Variants in SDK1 observed in about 807,000 individuals in gnomAD.
SDK1 encodes protein sidekick-1.
Under a neutral mutation model 245.5 loss-of-function variants are expected in SDK1, and 157 were observed. That is an observed-to-expected ratio of 0.64 (90% CI 0.56 to 0.73). SDK1 has a LOEUF of 0.73. Ranked by LOEUF, SDK1 falls within the 30% of genes least tolerant of loss-of-function variation. SDK1 has a pLI of 0.00. For missense variants in SDK1, 3,583 were observed against 3,002.3 expected (o/e 1.19, Z -4.52); for synonymous variants, 1,647 against 1,278.5 (o/e 1.29, Z -6.15).
chr7:3,902,631 A>G (rs1167669026), intron 5 of SDK1, among the ~76,000 whole-genome samples: 1 of 152,228 alleles, frequency 6.6e-6, no homozygotes, highest in Admixed American at 6.5e-5. Context: ...TTAATTGAAT[A>G]ATATATTTGT....
chr7:4,257,222 G>A lies in SDK1; in HGVS notation c.6382-7902G>A, dbSNP rs144962160. Among the ~76,000 whole-genome samples, 464 of 152,242 alleles carry A rather than the reference G, an allele frequency of 3.0e-3. 4 individuals carry two copies. The highest frequency in any genetic ancestry group is 0.011 in the African/African-American group (443 of 41,534). ...TATTTGAGTCTTTCATCTTGCCAAC[G>A]TAATACCCAAAGTGTTGAGATTATC... On this transcript the variant is annotated intron_variant, in intron 44 of 44. Coordinates refer to ENST00000404826, the MANE Select transcript of SDK1 (RefSeq NM_152744.4).
intron 1 of SDK1, among the ~76,000 whole-genome samples, chr7:3,439,467 T>C (rs189567944): frequency 6.6e-6 from 1 of 152,110 alleles, no homozygotes; most frequent in African/African-American, 2.4e-5. Context: ...GGTCAACCTT[T>C]CCTAAGACTC....
chr7:3,604,305 T>C (rs1781347117), intron 1 of SDK1, among the ~76,000 whole-genome samples: 1 of 152,218 alleles, frequency 6.6e-6, no homozygotes, highest in Non-Finnish European at 1.5e-5. Flanking sequence ...TGTGAATCCA[T>C]CTGGTCCTTG....
Position 4,268,780 on chromosome 7 carries a change from C to T in SDK1, c.*3396C>T, listed in dbSNP as rs371121242. On this transcript the variant is annotated 3_prime_UTR_variant, in exon 45 of 45. Transcript: ENST00000404826. ...GATCCAGTCTGAAAGGTGAGGACAACGTGGAAACTCATGAGCTGAGCCTGC... is the reference window on the plus strand; with the variant it reads ...GATCCAGTCTGAAAGGTGAGGACAATGTGGAAACTCATGAGCTGAGCCTGC... The T allele has an allele frequency of 4.6e-4, 628 of 1,359,486 alleles. 1 individual carries two copies. Among genetic ancestry groups the T allele is most frequent in the South Asian group, 6.0e-4 (53 of 87,890 alleles). The allele number at this position is 1,359,486 out of a possible 1,614,324, so 84.2% of individuals were successfully genotyped here. A position where few individuals can be genotyped will look rare whatever the true frequency, so the allele number is the denominator to read the frequency against.
chr7:3,554,032 G>A (rs1348692458), intron 1 of SDK1, among the ~76,000 whole-genome samples: 6 of 152,202 alleles, frequency 3.9e-5, no homozygotes, highest in African/African-American at 1.4e-4. Flanking sequence ...CACATACTAA[G>A]CCTAAACAGG....
intron 4 of SDK1, among the ~76,000 whole-genome samples, chr7:3,646,100 A>G (rs976789752): frequency 6.6e-6 from 1 of 151,882 alleles, no homozygotes; most frequent in Non-Finnish European, 1.5e-5. Flanking sequence ...CTTGTGATCC[A>G]CCCACCTCGG....
At chr7:3,430,624 G>C (rs952318291) in intron 1 of SDK1, among the ~76,000 whole-genome samples, 1 of 152,172 alleles carries the variant, frequency 6.6e-6, no homozygotes, top group Non-Finnish European at 1.5e-5. Context: ...CATCCCCTCA[G>C]TTTCAAGAGT....
chr7:4,122,243 G>T (rs1784112032), intron 25 of SDK1, among the ~76,000 whole-genome samples: 1 of 152,138 alleles, frequency 6.6e-6, no homozygotes, highest in Non-Finnish European at 1.5e-5. Flanking sequence ...TTTTGACTTT[G>T]GGCCTTCCCT....
intron 5 of SDK1, among the ~76,000 whole-genome samples, chr7:3,893,390 T>C (rs1432107761): frequency 1.3e-5 from 2 of 152,050 alleles, no homozygotes; most frequent in Non-Finnish European, 2.9e-5. Flanking sequence ...TATCTGTAAA[T>C]GAGCTACTGA....
chr7:3,918,154 G>A (rs1049131013), intron 5 of SDK1, among the ~76,000 whole-genome samples: 1 of 152,148 alleles, frequency 6.6e-6, no homozygotes, highest in African/African-American at 2.4e-5. Flanking sequence ...AGGAATCTGG[G>A]GGTAGCATGG....
intron 1 of SDK1, among the ~76,000 whole-genome samples, chr7:3,509,137 A>T (rs1782496157): frequency 3.3e-5 from 5 of 152,054 alleles, no homozygotes; most frequent in Admixed American, 3.3e-4. Context: ...ACACACAGAC[A>T]TCCATCCATC....
chr7:3,722,919 A>T (rs1313745658), intron 4 of SDK1, among the ~76,000 whole-genome samples: 2 of 152,194 alleles, frequency 1.3e-5, no homozygotes, highest in African/African-American at 4.8e-5. Context: ...AGCCAGCCTG[A>T]ATCCTTGGTG....
intron 1 of SDK1, among the ~76,000 whole-genome samples, chr7:3,345,107 C>T (rs763360850): frequency 3.9e-5 from 6 of 152,124 alleles, no homozygotes; most frequent in East Asian, 1.9e-4. Flanking sequence ...CGGGTCTCCA[C>T]GGAATGTGGT....
At chr7:3,569,202 C>T (rs530032780) in intron 1 of SDK1, among the ~76,000 whole-genome samples, 15 of 152,084 alleles carry the variant, frequency 9.9e-5, no homozygotes, top group African/African-American at 2.7e-4. Context: ...ATACTATATC[C>T]AGTAAGTTAG....
intron 4 of SDK1, among the ~76,000 whole-genome samples, chr7:3,803,501 G>C (rs1026187262): frequency 6.6e-6 from 1 of 151,294 alleles, no homozygotes; most frequent in Non-Finnish European, 1.5e-5. Context: ...AGTAGAGAAG[G>C]GGTTTCACCA....
chr7:3,717,973 A>G (rs1424666589), intron 4 of SDK1, among the ~76,000 whole-genome samples: 1 of 151,900 alleles, frequency 6.6e-6, no homozygotes, highest in Non-Finnish European at 1.5e-5. Flanking sequence ...AAAAAAAAAA[A>G]CTGTAAACCT....
intron 28 of SDK1, among the ~76,000 whole-genome samples, chr7:4,142,009 C>T (rs1240898207): frequency 2.6e-5 from 4 of 152,140 alleles, no homozygotes; most frequent in African/African-American, 9.7e-5. Context: ...CCTGCCTCGG[C>T]CTCCCAAAGT....
chr7:3,828,774 T>C (rs1010814308), intron 5 of SDK1, among the ~76,000 whole-genome samples: 1 of 151,820 alleles, frequency 6.6e-6, no homozygotes, highest in African/African-American at 2.4e-5. Flanking sequence ...GCCTCAGCCT[T>C]TTGAGTAGCT....
At chr7:3,350,628 C>T (rs886684024) in intron 1 of SDK1, among the ~76,000 whole-genome samples, 1 of 152,126 alleles carries the variant, frequency 6.6e-6, no homozygotes, top group Non-Finnish European at 1.5e-5. Context: ...GCCTTTGGGC[C>T]ACAAGACTAA....
Sources: gnomAD v4.1 joint callset for allele counts (sites outside exome capture counted in the v4.1 genomes callset) on GRCh38, gnomAD v4.1.1 for gene constraint, MANE v1.5 for transcripts, NCBI Gene and HGNC (gene_info 2026-07-23, HGNC 2026-07-21) for gene names.